TAS2R1: variants seen among roughly 807,000 people sequenced by gnomAD.
TAS2R1 encodes the protein taste 2 receptor member 1.
For missense variants in TAS2R1, 370 were observed against 353.4 expected (o/e 1.05, Z -0.38); for synonymous variants, 141 against 134.2 (o/e 1.05, Z -0.35).
At chr5:9,866,613 CCTT>C in the TAS2R1 span, among the ~76,000 whole-genome samples, 1 of 152,126 alleles carries the variant, frequency 6.6e-6, no homozygotes, top group Non-Finnish European at 1.5e-5. Flanking sequence ...TCCAGTTCAC[CCTT>C]ACTCATAGGA....
the TAS2R1 span, among the ~76,000 whole-genome samples, chr5:9,719,710 C>T: frequency 6.6e-6 from 1 of 151,924 alleles, no homozygotes; most frequent in Non-Finnish European, 1.5e-5. Flanking sequence ...GGGCGGATCA[C>T]GAGGTCAGGA....
the TAS2R1 span, among the ~76,000 whole-genome samples, chr5:9,806,885 A>C: frequency 1.3e-5 from 2 of 152,112 alleles, no homozygotes; most frequent in African/African-American, 4.8e-5. Context: ...ATGCAACAAA[A>C]ACAGATAAAT....
At chr5:9,780,235 G>A in the TAS2R1 span, among the ~76,000 whole-genome samples, 1 of 152,220 alleles carries the variant, frequency 6.6e-6, no homozygotes, top group Non-Finnish European at 1.5e-5. Context: ...CTCCTGGGAA[G>A]AGATTTCTTT....
chr5:9,800,824 T>C, the TAS2R1 span, among the ~76,000 whole-genome samples: 1 of 152,200 alleles, frequency 6.6e-6, no homozygotes, highest in Admixed American at 6.5e-5. Flanking sequence ...AATTAGAAGA[T>C]GGGGTCTTTG....
At chr5:9,873,455 A>C in the TAS2R1 span, among the ~76,000 whole-genome samples, 5 of 151,630 alleles carry the variant, frequency 3.3e-5, no homozygotes, top group East Asian at 9.7e-4. Context: ...GAATATTTCA[A>C]ATATTTGAAA....
chr5:9,877,140 G>T, the TAS2R1 span, among the ~76,000 whole-genome samples: 8 of 152,098 alleles, frequency 5.3e-5, no homozygotes, highest in Non-Finnish European at 1.2e-4. Context: ...TCCTGAAATG[G>T]GCATTTAACA....
At chr5:9,852,096 T>C in the TAS2R1 span, among the ~76,000 whole-genome samples, 45 of 152,200 alleles carry the variant, frequency 3.0e-4, no homozygotes, top group Non-Finnish European at 3.5e-4. Flanking sequence ...ATGGAAGGTA[T>C]AGTATATTAT....
chr5:9,842,365 G>C, the TAS2R1 span, among the ~76,000 whole-genome samples: 1 of 136,250 alleles, frequency 7.3e-6, no homozygotes, highest in Middle Eastern at 5.1e-3. Context: ...CTGTTGCCCA[G>C]GCTGGAGTGC....
chr5:9,671,045 T>C (rs554885827), intron 1 of TAS2R1, among the ~76,000 whole-genome samples: 90 of 152,308 alleles, frequency 5.9e-4, no homozygotes, highest in African/African-American at 1.9e-3. Context: ...AAAAAGCACA[T>C]GATTATCTCA....
At chr5:9,883,028 C>T in the TAS2R1 span, among the ~76,000 whole-genome samples, 4 of 152,058 alleles carry the variant, frequency 2.6e-5, no homozygotes, top group African/African-American at 7.2e-5. Context: ...ATATATACCA[C>T]GAAATACTAG....
the TAS2R1 span, among the ~76,000 whole-genome samples, chr5:9,900,229 A>G: frequency 0.012 from 1,827 of 152,288 alleles, 29 homozygotes; most frequent in African/African-American, 0.038. Context: ...TATAATGATA[A>G]TGAGGCCATT....
intron 1 of TAS2R1, among the ~76,000 whole-genome samples, chr5:9,708,217 T>C (rs545107401): frequency 1.7e-4 from 26 of 152,218 alleles, no homozygotes; most frequent in Non-Finnish European, 3.8e-4. Context: ...GCTACTCAGC[T>C]TAAATCAGAG....
At chr5:9,697,173 T>C (rs1741378660) in intron 1 of TAS2R1, among the ~76,000 whole-genome samples, 2 of 151,944 alleles carry the variant, frequency 1.3e-5, no homozygotes, top group South Asian at 2.1e-4. Context: ...GACACCTTTT[T>C]TGTTTAAAAA....
At chr5:9,647,878 T>C (rs1417680420) in intron 2 of TAS2R1, among the ~76,000 whole-genome samples, 4 of 152,198 alleles carry the variant, frequency 2.6e-5, no homozygotes, top group African/African-American at 7.2e-5. Context: ...TCATAGATTC[T>C]ACTGAAGAGG....
chr5:9,726,363 C>T, the TAS2R1 span, among the ~76,000 whole-genome samples: 8 of 152,296 alleles, frequency 5.3e-5, no homozygotes, highest in East Asian at 1.4e-3. Context: ...CAAAACAGAC[C>T]ACTGGGCTCT....
At chr5:9,742,254 A>C in the TAS2R1 span, among the ~76,000 whole-genome samples, 1 of 152,208 alleles carries the variant, frequency 6.6e-6, no homozygotes, top group Non-Finnish European at 1.5e-5. Context: ...TGATTTGCAA[A>C]GAATATACAT....
the TAS2R1 span, among the ~76,000 whole-genome samples, chr5:9,852,848 A>AT: frequency 6.3e-5 from 9 of 143,536 alleles, no homozygotes; most frequent in Admixed American, 1.4e-4. Flanking sequence ...GCAGGAAAAA[A>AT]AAAAATATAT....
At chr5:9,640,522 A>AAT (rs1740059315) in intron 2 of TAS2R1, among the ~76,000 whole-genome samples, 1 of 148,818 alleles carries the variant, frequency 6.7e-6, no homozygotes, top group African/African-American at 2.5e-5. Context: ...AAAAAAAAAA[A>AAT]CAGTACCTGT....
At chr5:9,678,397 G>A (rs1740920833) in intron 1 of TAS2R1, among the ~76,000 whole-genome samples, 1 of 152,158 alleles carries the variant, frequency 6.6e-6, no homozygotes, top group Non-Finnish European at 1.5e-5. Flanking sequence ...CCTAGAAGGA[G>A]AAATACCATT....
Sources: allele counts gnomAD v4.1 joint callset (sites outside exome capture counted in the v4.1 genomes callset), GRCh38; gene constraint gnomAD v4.1.1; transcripts MANE v1.5; gene names NCBI Gene and HGNC (gene_info 2026-07-23, HGNC 2026-07-21).